Variants in ELF5 observed in about 807,000 individuals in gnomAD.
ELF5 encodes ETS-related transcription factor Elf-5.
ELF5 carries 31 observed loss-of-function variants against 38.2 expected under a neutral mutation model. That is an observed-to-expected ratio of 0.81 (90% CI 0.61 to 1.10). ELF5 has a LOEUF of 1.10. ELF5 is among the 50% of genes least tolerant of loss of function. The pLI is 0.00. For missense variants in ELF5, 300 were observed against 306.6 expected (o/e 0.98, Z 0.16); for synonymous variants, 121 against 112.5 (o/e 1.08, Z -0.48).
At chr11:34,494,955 T>C (rs1054197569) in intron 2 of ELF5, among the ~76,000 whole-genome samples, 1 of 152,350 alleles carries the variant, frequency 6.6e-6, no homozygotes, top group South Asian at 2.1e-4. Context: ...ATATCTACTA[T>C]GTGTGCAGCC....
chr11:34,502,011 T>G (rs1850483672), intron 2 of ELF5, among the ~76,000 whole-genome samples: 1 of 152,224 alleles, frequency 6.6e-6, no homozygotes, highest in Non-Finnish European at 1.5e-5. Flanking sequence ...TTGTTATTTT[T>G]GTTCAATATG....
At chr11:34,508,273 G>A (rs922856893) in intron 1 of ELF5, among the ~76,000 whole-genome samples, 7 of 152,042 alleles carry the variant, frequency 4.6e-5, no homozygotes, top group African/African-American at 7.2e-5. Flanking sequence ...AGGCCGAGGC[G>A]GGTGGGTCAC....
intron 2 of ELF5, among the ~76,000 whole-genome samples, chr11:34,497,830 A>T (rs1850353924): frequency 6.6e-6 from 1 of 152,040 alleles, no homozygotes; most frequent in Non-Finnish European, 1.5e-5. Context: ...GGGCTGGATC[A>T]CTCCTGGCCA....
intron 2 of ELF5, among the ~76,000 whole-genome samples, chr11:34,499,100 A>T (rs1850388813): frequency 6.6e-6 from 1 of 152,066 alleles, no homozygotes; most frequent in Non-Finnish European, 1.5e-5. Context: ...TCCAAAAAAA[A>T]AAAATCATTT....
chr11:34,511,600 G>C (rs1162529226), intron 1 of ELF5: 1 of 1,614,040 alleles, frequency 6.2e-7, no homozygotes, highest in Non-Finnish European at 8.5e-7. Flanking sequence ...GCCTCCAGTG[G>C]CTTCTGAACC....
At position 34,511,403 on chromosome 11, in the gene ELF5, C is replaced by T. The variant is rs114273240; in HGVS notation, c.-5+2274G>A. On this transcript the variant is annotated intron_variant, in intron 1 of 6. Coordinates refer to ENST00000257832, the MANE Select transcript of ELF5 (RefSeq NM_001422.4). ...CTCACTCACTGCCCACCGATAGATC[C>T]GTGGAAGCTGGAATCAGTTTCCCCC... The T allele has an allele frequency of 2.3e-3, 2,612 of 1,145,518 alleles. 54 individuals carry two copies. The African/African-American group carries it at 0.035, about 15-fold the overall frequency. 71.0% of individuals were successfully genotyped at this position (1,145,518 alleles called of 1,614,324 possible).
At chr11:34,494,716 T>C (rs1002783258) in intron 2 of ELF5, among the ~76,000 whole-genome samples, 4 of 152,188 alleles carry the variant, frequency 2.6e-5, no homozygotes, top group Admixed American at 2.6e-4. Flanking sequence ...ATTAGGTACT[T>C]GGTCAGGCTC....
intron 2 of ELF5, among the ~76,000 whole-genome samples, chr11:34,502,832 T>A (rs1850507189): frequency 6.6e-6 from 1 of 152,198 alleles, no homozygotes. Flanking sequence ...TATTGCCTGA[T>A]GCAGGAATCA....
At chr11:34,511,908 G>A (rs554335651) in intron 1 of ELF5, 3 of 317,920 alleles carry the variant, frequency 9.4e-6, no homozygotes, top group South Asian at 9.4e-5. Flanking sequence ...TCTACACATT[G>A]GCTGTTTACG....
intron 4 of ELF5, among the ~76,000 whole-genome samples, chr11:34,486,626 C>G (rs1187531607): frequency 6.6e-6 from 1 of 152,156 alleles, no homozygotes; most frequent in Non-Finnish European, 1.5e-5. Flanking sequence ...AAAGCACAGG[C>G]TTTGAGGAAA....
At chr11:34,500,546 C>T (rs967564765) in intron 2 of ELF5, among the ~76,000 whole-genome samples, 1 of 152,194 alleles carries the variant, frequency 6.6e-6, no homozygotes, top group Admixed American at 6.5e-5. Context: ...TAGCCATGGC[C>T]TTGGGAGCGT....
intron 2 of ELF5, among the ~76,000 whole-genome samples, chr11:34,498,950 G>A (rs1850384030): frequency 6.6e-6 from 1 of 152,088 alleles, no homozygotes; most frequent in Non-Finnish European, 1.5e-5. Flanking sequence ...AAATTAGCGG[G>A]CGTGGTGGTG....
intron 3 of ELF5, among the ~76,000 whole-genome samples, chr11:34,491,376 G>A (rs908930422): frequency 2.0e-4 from 30 of 152,250 alleles, no homozygotes; most frequent in African/African-American, 7.0e-4. Flanking sequence ...GATTGGTGGA[G>A]TAGATAGTTT....
chr11:34,496,689 C>T (rs1461423216), intron 2 of ELF5, among the ~76,000 whole-genome samples: 5 of 152,226 alleles, frequency 3.3e-5, no homozygotes, highest in African/African-American at 4.8e-5. Context: ...CTTTTGCTCG[C>T]CCTGAACCAG....
chr11:34,484,576 A>C (rs1043649741), intron 4 of ELF5, among the ~76,000 whole-genome samples: 2 of 151,976 alleles, frequency 1.3e-5, no homozygotes, highest in African/African-American at 4.8e-5. Flanking sequence ...GTACACTGTC[A>C]CTGCTGAATG....
intron 3 of ELF5, chr11:34,491,691 C>T (rs1031537225): frequency 1.3e-4 from 20 of 151,838 alleles, no homozygotes; most frequent in African/African-American, 4.4e-4. Context: ...ATTCTCATGC[C>T]TCAGCCTCCT....
intron 5 of ELF5, among the ~76,000 whole-genome samples, chr11:34,481,549 C>T (rs1856943772): frequency 1.3e-5 from 2 of 152,174 alleles, no homozygotes; most frequent in African/African-American, 4.8e-5. Context: ...TATGGAACTA[C>T]AGTTTAACTT....
chr11:34,480,072 A>T lies in ELF5; in HGVS notation c.*146T>A, dbSNP rs950577697. On this transcript the variant is annotated 3_prime_UTR_variant, in exon 7 of 7. Transcript: ENST00000257832. ...CCATAGACAACAACTCTGAATCCAA[A>T]TGTAAGCTGAGATGTGGAGAAATTT... 7.5e-6 allele frequency: 5 copies of T among 664,532 alleles called. No homozygotes were observed. The African/African-American group carries it at 9.1e-5, about 12-fold the overall frequency. 41.2% of individuals were successfully genotyped at this position (664,532 alleles called of 1,614,324 possible).
intron 4 of ELF5, among the ~76,000 whole-genome samples, chr11:34,483,996 A>G (rs1225970785): frequency 6.6e-6 from 1 of 151,650 alleles, no homozygotes; most frequent in Non-Finnish European, 1.5e-5. Context: ...ATACTGTACT[A>G]TACTATATTA....
Sources: gnomAD v4.1 joint callset for allele counts (sites outside exome capture counted in the v4.1 genomes callset) on GRCh38, gnomAD v4.1.1 for gene constraint, MANE v1.5 for transcripts, NCBI Gene and HGNC (gene_info 2026-07-23, HGNC 2026-07-21) for gene names.